The following JAKMIP1 variants were observed in gnomAD, a reference collection of about 807,000 sequenced individuals.
JAKMIP1 encodes the protein janus kinase and microtubule-interacting protein 1.
In JAKMIP1, 33 loss-of-function variants were observed where a neutral mutation model predicts 113.0. The observed-to-expected ratio is 0.29, with a 90% CI of 0.22 to 0.39. The LOEUF is 0.39. Among genes scored for constraint, JAKMIP1 ranks in the 10% least tolerant of loss-of-function variants. The pLI is 1.00. For missense variants in JAKMIP1, 813 were observed against 1,080.5 expected (o/e 0.75, Z 3.47); for synonymous variants, 480 against 459.9 (o/e 1.04, Z -0.56).
At chr4:6,104,346 ATTT>A (rs56219957) in intron 3 of JAKMIP1, among the ~76,000 whole-genome samples, 1 of 151,968 alleles carries the variant, frequency 6.6e-6, no homozygotes, top group African/African-American at 2.4e-5. Flanking sequence ...AGTGTTGATA[ATTT>A]TTTTCTTTTA....
intron 13 of JAKMIP1, among the ~76,000 whole-genome samples, chr4:6,052,820 C>A (rs1188458038): frequency 6.6e-6 from 1 of 152,132 alleles, no homozygotes; most frequent in Non-Finnish European, 1.5e-5. Context: ...GGAGTATTAA[C>A]AATGACCTCA....
rs553081140 is a variant in JAKMIP1 at position 6,197,657 on chromosome 4, C to T, written c.-148+2596G>A. ...GACCCAGCAGAACTGGGACACACTG[C>T]AGTCATCCTCAGACTCCCCAAGGGA... is the stretch of plus-strand genomic sequence containing the variant. On this transcript the variant is annotated intron_variant, in intron 1 of 20. Transcript: ENST00000409021. This position sits in a 1 kb window ranked among gnomAD's most constrained non-coding sequence, Gnocchi z 6.5. 1.6e-4 allele frequency among the ~76,000 whole-genome samples: 24 copies of T among 152,350 alleles called. No individual in the cohort carries two copies. The highest frequency in any genetic ancestry group is 5.3e-4 in the African/African-American group (22 of 41,582).
At chr4:6,036,935 T>C (rs6446436) in intron 18 of JAKMIP1, among the ~76,000 whole-genome samples, 17,488 of 117,852 alleles carry the variant, frequency 0.15, 1,580 homozygotes, top group African/African-American at 0.42. Context: ...ATCACCGAGG[T>C]AGAGGCTAAC....
chr4:6,190,266 A>C (rs1727107602), intron 1 of JAKMIP1, among the ~76,000 whole-genome samples: 1 of 152,208 alleles, frequency 6.6e-6, no homozygotes, highest in African/African-American at 2.4e-5. Context: ...ATAGATCATA[A>C]GATGGTTACT....
intron 20 of JAKMIP1, among the ~76,000 whole-genome samples, chr4:6,027,176 CA>C (rs1414102889): frequency 6.6e-6 from 1 of 152,052 alleles, no homozygotes; most frequent in East Asian, 1.9e-4. Context: ...TTGCTTTGTT[CA>C]AAAGGAGTTG....
intron 2 of JAKMIP1, among the ~76,000 whole-genome samples, chr4:6,112,297 G>A (rs1578267140): frequency 6.6e-6 from 1 of 152,190 alleles, no homozygotes. Flanking sequence ...AACTGATCAA[G>A]TAGCCTCAGC....
Position 6,106,554 on chromosome 4 carries a change from C to G in JAKMIP1, c.130-587G>C, listed in dbSNP as rs1267772204. On this transcript the variant is annotated intron_variant, in intron 2 of 20. Coordinates refer to ENST00000409021, the MANE Select transcript of JAKMIP1 (RefSeq NM_001099433.2). The surrounding 1 kb of genome is among the most constrained non-coding windows in gnomAD (Gnocchi z 5.9). ...CTCCCTCTCTCCTCTCTCTCTCTCT[C>G]TCTTCCTCTCTCTCTCCTCTGTTTT... 2.0e-5 allele frequency among the ~76,000 whole-genome samples: 3 copies of G among 152,014 alleles called. No homozygotes were observed. The highest frequency in any genetic ancestry group is 1.9e-4 in the East Asian group (1 of 5,170).
At position 6,135,418 on chromosome 4, in the gene JAKMIP1, C is replaced by G. The variant is rs983169868; in HGVS notation, c.-147-22421G>C. ...ACCAACCCTGGTGGCAGCTTGATCT[C>G]GGACTTCCAGTCTCCAGAATTGGGA... On this transcript the variant is annotated intron_variant, in intron 1 of 20. Coordinates refer to ENST00000409021, the MANE Select transcript of JAKMIP1 (RefSeq NM_001099433.2). The surrounding 1 kb of genome is among the most constrained non-coding windows in gnomAD (Gnocchi z 4.9). 1.3e-5 allele frequency among the ~76,000 whole-genome samples: 2 copies of G among 152,084 alleles called. No individual in the cohort carries two copies. The highest frequency in any genetic ancestry group is 2.9e-5 in the Non-Finnish European group (2 of 68,030).
At chr4:6,160,622 T>G (rs1214326640) in intron 1 of JAKMIP1, among the ~76,000 whole-genome samples, 1 of 151,988 alleles carries the variant, frequency 6.6e-6, no homozygotes, top group African/African-American at 2.4e-5. Context: ...GGACCCCTCA[T>G]CATCAGACTC....
intron 1 of JAKMIP1, among the ~76,000 whole-genome samples, chr4:6,189,829 G>A (rs1420313806): frequency 3.3e-5 from 5 of 152,302 alleles, no homozygotes; most frequent in Admixed American, 6.5e-5. Context: ...TGGGGGAGGC[G>A]AACAGGCAGA....
intron 1 of JAKMIP1, among the ~76,000 whole-genome samples, chr4:6,146,948 C>T (rs1720926656): frequency 6.6e-6 from 1 of 152,080 alleles, no homozygotes; most frequent in Non-Finnish European, 1.5e-5. Context: ...CACTTATGAG[C>T]CTAATTCAGT....
intron 1 of JAKMIP1, among the ~76,000 whole-genome samples, chr4:6,164,802 G>A (rs894657664): frequency 6.6e-6 from 1 of 152,240 alleles, no homozygotes; most frequent in Non-Finnish European, 1.5e-5. Flanking sequence ...GAATTAGAAT[G>A]AGAAGTGGAT....
chr4:6,027,197 A>G (rs1045483501), intron 20 of JAKMIP1, among the ~76,000 whole-genome samples: 3 of 152,238 alleles, frequency 2.0e-5, no homozygotes, highest in Non-Finnish European at 4.4e-5. Context: ...GCAAGTCATT[A>G]GGGGAAACAT....
chr4:6,112,088 G>A (rs1715027733), intron 2 of JAKMIP1, among the ~76,000 whole-genome samples: 1 of 152,212 alleles, frequency 6.6e-6, no homozygotes, highest in African/African-American at 2.4e-5. Flanking sequence ...AGCTGGTACC[G>A]CCATGACCCT....
In JAKMIP1 at chr4:6,138,764, G is replaced by A. The variant is rs919232266; in HGVS notation, c.-147-25767C>T. Among the ~76,000 whole-genome samples the A allele has an allele frequency of 2.6e-5, 4 of 152,142 alleles. No homozygotes were observed. The highest frequency in any genetic ancestry group is 4.1e-4 in the South Asian group (2 of 4,834). On this transcript the variant is annotated intron_variant, in intron 1 of 20. Coordinates refer to ENST00000409021, the MANE Select transcript of JAKMIP1 (RefSeq NM_001099433.2). The surrounding 1 kb of genome is among the most constrained non-coding windows in gnomAD (Gnocchi z 6.0). The stretch of plus-strand genomic sequence containing the variant: ...ATCTTGACTCTACCACTTGTTAGCT[G>A]TTTGTCCTGGGGCAGGTGCCTTGTC...
At chr4:6,099,872 C>T (rs1008585123) in intron 3 of JAKMIP1, among the ~76,000 whole-genome samples, 4 of 152,118 alleles carry the variant, frequency 2.6e-5, no homozygotes, top group African/African-American at 9.7e-5. Flanking sequence ...GTCTCTGTTT[C>T]GTTTTAGGGC....
At chr4:6,171,542 G>A (rs1724716020) in intron 1 of JAKMIP1, among the ~76,000 whole-genome samples, 1 of 152,180 alleles carries the variant, frequency 6.6e-6, no homozygotes, top group African/African-American at 2.4e-5. Flanking sequence ...AGGTAGATGA[G>A]AAACAGAGGG....
At chr4:6,159,141 C>T (rs1722600113) in intron 1 of JAKMIP1, among the ~76,000 whole-genome samples, 1 of 151,664 alleles carries the variant, frequency 6.6e-6, no homozygotes, top group Non-Finnish European at 1.5e-5. Context: ...AAAATAACAG[C>T]TGACCAATAA....
At position 6,180,665 on chromosome 4, in the gene JAKMIP1, T is replaced by C. The variant is rs1290943462; in HGVS notation, c.-148+19588A>G. 6.6e-6 allele frequency among the ~76,000 whole-genome samples: 1 copy of C among 152,158 alleles called. No homozygotes were observed. The highest frequency in any genetic ancestry group is 1.9e-4 in the East Asian group (1 of 5,188). ...CAAGGGTATTCTTAGTACCCCCATTTTAATGGACCAGCAGGAAGGGGTGAA... is the reference window on the plus strand; with the variant it reads ...CAAGGGTATTCTTAGTACCCCCATTCTAATGGACCAGCAGGAAGGGGTGAA... On this transcript the variant is annotated intron_variant, in intron 1 of 20. Transcript: ENST00000409021. This position sits in a 1 kb window ranked among gnomAD's most constrained non-coding sequence, Gnocchi z 4.5.
Sources: gnomAD v4.1 joint callset for allele counts (sites outside exome capture counted in the v4.1 genomes callset) on GRCh38, gnomAD v4.1.1 for gene constraint, Gnocchi (gnomAD v3.1) non-coding constraint, MANE v1.5 for transcripts, NCBI Gene and HGNC (gene_info 2026-07-23, HGNC 2026-07-21) for gene names.